The following VPS26A variants were observed in gnomAD, a reference collection of about 807,000 sequenced individuals.
VPS26A encodes the protein vacuolar protein sorting-associated protein 26A.
In VPS26A, 22 loss-of-function variants were observed where a neutral mutation model predicts 42.4. The ratio of observed to expected loss-of-function variants is 0.52; its 90% CI spans 0.37 to 0.74. The LOEUF is 0.74. Ranked by LOEUF, VPS26A falls within the 30% of genes least tolerant of loss-of-function variation. VPS26A has a pLI of 0.00. For synonymous variants in VPS26A, 110 were observed against 123.5 expected (o/e 0.89, Z 0.73); for missense variants, 276 against 379.2 (o/e 0.73, Z 2.26).
rs1274927030 is a variant in VPS26A at position 69,173,799 on chromosome 10, G to A, written c.*2530G>A. Among the ~76,000 whole-genome samples, 1 of 152,148 alleles carries A rather than the reference G, an allele frequency of 6.6e-6. No homozygotes were observed. Among genetic ancestry groups the A allele is most frequent in the Non-Finnish European group, 1.5e-5 (1 of 68,026 alleles). On this transcript the variant is annotated 3_prime_UTR_variant, in exon 9 of 9. Coordinates refer to ENST00000263559, the MANE Select transcript of VPS26A (RefSeq NM_004896.5). The stretch of plus-strand genomic sequence containing the variant: ...CAGATCACCTGAGTTCCAGGAGTTC[G>A]AGACCAGCCTGACCAACGTGGAGAA...
chr10:69,132,922 C>G lies in VPS26A; in HGVS notation c.28C>G (p.Pro10Ala). Residue 10 changes from proline to alanine, a missense_variant, in exon 2 of 9, where the codon CCA (proline) becomes GCA (alanine). Coordinates refer to ENST00000263559, the MANE Select transcript of VPS26A (RefSeq NM_004896.5). MSFLGGFFG[P>A]ICEIDIVLND... Reference sequence around the variant, plus strand: ...GAGTTTTCTTGGAGGCTTTTTTGGTCCAATTTGTGAGATCGATATTGTTCT... The same window carrying G: ...GAGTTTTCTTGGAGGCTTTTTTGGTGCAATTTGTGAGATCGATATTGTTCT... 3 of 1,583,516 alleles carry G rather than the reference C, an allele frequency of 1.9e-6. No individual in the cohort carries two copies. The highest frequency in any genetic ancestry group is 2.6e-6 in the Non-Finnish European group (3 of 1,171,458).
chr10:69,142,746 A>G (rs1272756073), intron 2 of VPS26A, among the ~76,000 whole-genome samples: 1 of 152,120 alleles, frequency 6.6e-6, no homozygotes, highest in Non-Finnish European at 1.5e-5. Context: ...TTCAAAAAAA[A>G]AAAAAAGATT....
intron 5 of VPS26A, 84 bp downstream of exon 5, chr10:69,158,295 T>C: frequency 4.3e-6 from 5 of 1,155,916 alleles, no homozygotes; most frequent in Non-Finnish European, 5.9e-6. Context: ...AAAGTAAGGA[T>C]AGAATTGACA....
At chr10:69,133,492 T>A in intron 2 of VPS26A, 1 of 1,145,110 alleles carries the variant, frequency 8.7e-7, no homozygotes, top group African/African-American at 1.6e-5. Flanking sequence ...AACTTACCTC[T>A]CTGTACTGCT....
At chr10:69,128,643 G>A (rs151299885) in intron 1 of VPS26A, among the ~76,000 whole-genome samples, 86 of 152,196 alleles carry the variant, frequency 5.7e-4, no homozygotes, top group African/African-American at 2.0e-3. Flanking sequence ...AATTTTTATA[G>A]TTTTCAAATC....
chr10:69,162,566 A>T, intron 6 of VPS26A, 54 bp downstream of exon 6: 1 of 1,135,150 alleles, frequency 8.8e-7, no homozygotes. Flanking sequence ...TGACATTTTT[A>T]AAATCTTAAA....
At position 69,124,254 on chromosome 10, in the gene VPS26A, G is replaced by A. The variant is rs769149009; in HGVS notation, c.-24G>A. 2.3e-6 allele frequency: 3 copies of A among 1,285,572 alleles called. No individual in the cohort carries two copies. Among genetic ancestry groups the A allele is most frequent in the African/African-American group, 1.5e-5 (1 of 65,626 alleles). The allele number at this position is 1,285,572 out of a possible 1,614,324, so 79.6% of individuals were successfully genotyped here. ...CCTGAGGGAAGAGGAGTGGAGTAGG[G>A]GGGACGCGGCGGCGGCGTTGACAAT... On this transcript the variant is annotated 5_prime_UTR_variant, in exon 1 of 9. Coordinates refer to ENST00000263559, the MANE Select transcript of VPS26A (RefSeq NM_004896.5).
chr10:69,136,491 C>T (rs572938790), intron 2 of VPS26A, among the ~76,000 whole-genome samples: 52 of 151,972 alleles, frequency 3.4e-4, no homozygotes, highest in Admixed American at 5.9e-4. Context: ...AGGCTGGTCT[C>T]GAACTTCTGA....
intron 2 of VPS26A, among the ~76,000 whole-genome samples, chr10:69,154,896 C>T (rs974572262): frequency 9.2e-5 from 14 of 152,062 alleles, no homozygotes; most frequent in African/African-American, 2.4e-4. Context: ...CGCACGCGCA[C>T]GTGCGTGCAC....
Position 69,140,811 on chromosome 10 carries a change from A to G in VPS26A, c.153+7764A>G, listed in dbSNP as rs539192679. On this transcript the variant is annotated intron_variant, in intron 2 of 8. Coordinates refer to ENST00000263559, the MANE Select transcript of VPS26A (RefSeq NM_004896.5). Reference sequence around the variant, plus strand: ...ATTGTGCAAAACTCCTTCCAGCGTTAGCTCTTATTCTCAGATTGACACCAT... The same window carrying G: ...ATTGTGCAAAACTCCTTCCAGCGTTGGCTCTTATTCTCAGATTGACACCAT... Among the ~76,000 whole-genome samples, 8 of 152,326 alleles carry G rather than the reference A, an allele frequency of 5.3e-5. No individual in the cohort carries two copies. The South Asian group carries it at 1.5e-3, about 28-fold the overall frequency.
intron 6 of VPS26A, among the ~76,000 whole-genome samples, chr10:69,164,572 G>T (rs1841643246): frequency 6.6e-6 from 1 of 152,092 alleles, no homozygotes; most frequent in African/African-American, 2.4e-5. Context: ...CTTGTTTGTG[G>T]TGGTTCATGC....
chr10:69,159,338 G>A (rs1017876092), intron 5 of VPS26A, among the ~76,000 whole-genome samples: 1 of 150,406 alleles, frequency 6.6e-6, no homozygotes, highest in Admixed American at 6.7e-5. Context: ...CTGAGATCAC[G>A]CCACTGCAGT....
At chr10:69,162,041 G>A (rs1841576748) in intron 5 of VPS26A, 1 of 156,708 alleles carries the variant, frequency 6.4e-6, no homozygotes, top group Admixed American at 6.6e-5. Context: ...CACCCAAGCT[G>A]GAGTGCAGTG....
chr10:69,171,502 GC>G lies in VPS26A; in HGVS notation c.*235del. ...TGAAACACTGGAACTTTGTTAAGCT[GC>G]CTTTTTTTTTTTAACTTCCTACTTT... On this transcript the variant is annotated 3_prime_UTR_variant, in exon 9 of 9. Coordinates refer to ENST00000263559, the MANE Select transcript of VPS26A (RefSeq NM_004896.5). The G allele has an allele frequency of 2.9e-6, 1 of 340,158 alleles. No individual in the cohort carries two copies. Among genetic ancestry groups the G allele is most frequent in the South Asian group, 5.7e-5 (1 of 17,608 alleles). The allele number at this position is 340,158 out of a possible 1,614,324, so 21.1% of individuals were successfully genotyped here. A position where few individuals can be genotyped will look rare whatever the true frequency, so the allele number is the denominator to read the frequency against.
At chr10:69,152,605 G>C (rs894309904) in intron 2 of VPS26A, among the ~76,000 whole-genome samples, 3 of 152,072 alleles carry the variant, frequency 2.0e-5, no homozygotes, top group Non-Finnish European at 4.4e-5. Flanking sequence ...CTTGTTCCTT[G>C]ATTTCTGTTA....
intron 2 of VPS26A, among the ~76,000 whole-genome samples, chr10:69,154,792 G>T (rs545394851): frequency 6.6e-6 from 1 of 152,302 alleles, no homozygotes; most frequent in Non-Finnish European, 1.5e-5. Flanking sequence ...TTAACCCTAG[G>T]GGTTCAAAGC....
chr10:69,130,421 A>G (rs1367024548), intron 1 of VPS26A, among the ~76,000 whole-genome samples: 2 of 152,264 alleles, frequency 1.3e-5, no homozygotes, highest in South Asian at 4.1e-4. Context: ...CAAGAAGGAC[A>G]CTAGCAAATT....
In VPS26A at chr10:69,149,727, GTTTTTTGTTT is replaced by G. The variant is rs1421398846; in HGVS notation, c.154-6078_154-6069del. On this transcript the variant is annotated intron_variant, in intron 2 of 8. Transcript: ENST00000263559. The stretch of plus-strand genomic sequence containing the variant: ...ACCATGGAATGTTAACTTTCTTGGT[GTTTTTTGTTT>G]TTTTTTTTTTTTTTTTTTTTTTTTT... Among the ~76,000 whole-genome samples the G allele has an allele frequency of 1.6e-3, 150 of 93,930 alleles. 11 individuals are homozygous for G. The highest frequency in any genetic ancestry group is 6.5e-3 in the African/African-American group (133 of 20,560). 61.6% of individuals were successfully genotyped at this position (93,930 alleles called of 152,430 possible).
At chr10:69,134,063 A>G (rs1840851640) in intron 2 of VPS26A, among the ~76,000 whole-genome samples, 1 of 152,208 alleles carries the variant, frequency 6.6e-6, no homozygotes. Context: ...AATATCATAG[A>G]CAAAAGCAAA....
Sources: gnomAD v4.1 joint callset for allele counts (sites outside exome capture counted in the v4.1 genomes callset) on GRCh38, gnomAD v4.1.1 for gene constraint, MANE v1.5 for transcripts, NCBI Gene and HGNC (gene_info 2026-07-23, HGNC 2026-07-21) for gene names.